Variants in RELN observed in about 807,000 individuals in gnomAD.
RELN encodes the protein reelin.
A neutral mutation model predicts 427.6 loss-of-function variants in RELN; 108 were observed. That is an observed-to-expected ratio of 0.25 (90% CI 0.22 to 0.30). RELN has a LOEUF of 0.30. Among genes scored for constraint, RELN ranks in the 10% least tolerant of loss-of-function variants. The pLI is 1.00. For synonymous variants in RELN, 1,524 were observed against 1,513.4 expected, an observed-to-expected ratio of 1.01 and a Z score of -0.16; for missense variants, 3,715 against 4,302.8, an observed-to-expected ratio of 0.86 and a Z score of 3.82.
At chr7:103,913,168 GA>G in intron 2 of RELN, among the ~76,000 whole-genome samples, 1 of 152,090 alleles carries the variant, frequency 6.6e-6, no homozygotes, top group Middle Eastern at 3.4e-3. Context: ...AATGTTAGTG[GA>G]ACTACATTTC....
chr7:103,759,181 A>G (rs1791234505), intron 4 of RELN, among the ~76,000 whole-genome samples: 1 of 152,140 alleles, frequency 6.6e-6, no homozygotes, highest in Non-Finnish European at 1.5e-5. Context: ...ACTAATCACC[A>G]TAAGCTAGCA....
chr7:103,766,835 G>A (rs1004879457), intron 4 of RELN, among the ~76,000 whole-genome samples: 3 of 152,210 alleles, frequency 2.0e-5, no homozygotes, highest in African/African-American at 7.2e-5. Context: ...AGCAGCCAAG[G>A]TTTTCTGCGC....
At chr7:103,599,132 C>G (rs1831606661) in intron 24 of RELN, among the ~76,000 whole-genome samples, 1 of 152,162 alleles carries the variant, frequency 6.6e-6, no homozygotes, top group Admixed American at 6.5e-5. Flanking sequence ...TGACTAATCA[C>G]CTTTTGCTTT....
intron 8 of RELN, among the ~76,000 whole-genome samples, chr7:103,702,036 A>G (rs1834103236): frequency 6.6e-6 from 1 of 152,234 alleles, no homozygotes; most frequent in Non-Finnish European, 1.5e-5. Context: ...CTAAAAAGCC[A>G]AACAGCAGTT....
intron 40 of RELN, among the ~76,000 whole-genome samples, chr7:103,552,579 T>C (rs1830437826): frequency 6.7e-6 from 1 of 149,926 alleles, no homozygotes; most frequent in Non-Finnish European, 1.5e-5. Context: ...CTCGGCTCAC[T>C]GCAACCTCCA....
chr7:103,621,668 T>C (rs1832221377), intron 20 of RELN, among the ~76,000 whole-genome samples: 1 of 152,152 alleles, frequency 6.6e-6, no homozygotes, highest in Non-Finnish European at 1.5e-5. Context: ...CTGACCCACA[T>C]GGCTCAACCA....
At chr7:103,834,582 G>A (rs1040990398) in intron 2 of RELN, among the ~76,000 whole-genome samples, 1 of 152,066 alleles carries the variant, frequency 6.6e-6, no homozygotes, top group Non-Finnish European at 1.5e-5. Flanking sequence ...ATATAAAATA[G>A]TAATAAATAA....
intron 57 of RELN, among the ~76,000 whole-genome samples, 195 bp downstream of exon 57, chr7:103,495,528 C>T (rs1235140884): frequency 2.0e-5 from 3 of 152,176 alleles, no homozygotes; most frequent in African/African-American, 7.2e-5. Context: ...CCAACATTTT[C>T]AGGGATTTTA....
Position 103,472,611 on chromosome 7 carries a change from A to G in RELN, c.*201T>C. On this transcript the variant is annotated 3_prime_UTR_variant, in exon 65 of 65. Transcript: ENST00000428762. ...CTTTCACGGACACATCAACATGAAG[A>G]CATTTACTTATGAGCAAATAAGTCA... is the stretch of plus-strand genomic sequence containing the variant. 4 of 572,290 alleles carry G rather than the reference A, an allele frequency of 7.0e-6. No individual in the cohort carries two copies. Among genetic ancestry groups the G allele is most frequent in the Non-Finnish European group, 3.1e-6 (1 of 317,724 alleles). The allele number at this position is 572,290 out of a possible 1,614,324, so 35.5% of individuals were successfully genotyped here.
At position 103,878,847 on chromosome 7, in the gene RELN, C is replaced by G. The variant is rs111510720; in HGVS notation, c.337+38228G>C. Among the ~76,000 whole-genome samples the G allele has an allele frequency of 3.8e-3, 580 of 152,228 alleles. 3 individuals are homozygous for G. The highest frequency in any genetic ancestry group is 0.013 in the African/African-American group (553 of 41,532). On this transcript the variant is annotated intron_variant, in intron 2 of 64. Transcript: ENST00000428762. Reference sequence around the variant, plus strand: ...TATGCTTCTGACTGCAGACCTAACCCAGATTGATTTTCCATTAGTTACCCA... The same window carrying G: ...TATGCTTCTGACTGCAGACCTAACCGAGATTGATTTTCCATTAGTTACCCA...
chr7:103,567,593 G>A lies in RELN; in HGVS notation c.4589-834C>T, dbSNP rs116523185. ...CAGTGCCTGTATTAAGAATAAGACT[G>A]TGCCAGCCTTTATACCCGCTTCTTT... On this transcript the variant is annotated intron_variant, in intron 31 of 64. Coordinates refer to ENST00000428762, the MANE Select transcript of RELN (RefSeq NM_005045.4). 4.0e-3 allele frequency among the ~76,000 whole-genome samples: 609 copies of A among 152,162 alleles called. 4 individuals are homozygous for A. Among genetic ancestry groups the A allele is most frequent in the African/African-American group, 0.014 (587 of 41,510 alleles).
chr7:103,836,660 T>C (rs1268222466), intron 2 of RELN, among the ~76,000 whole-genome samples: 2 of 152,228 alleles, frequency 1.3e-5, no homozygotes, highest in East Asian at 3.9e-4. Flanking sequence ...CTACCTAAAA[T>C]GCTCTCTCTC....
intron 45 of RELN, among the ~76,000 whole-genome samples, chr7:103,538,218 T>G (rs963327781): frequency 6.6e-6 from 1 of 152,214 alleles, no homozygotes; most frequent in East Asian, 1.9e-4. Flanking sequence ...GTGAATTCTG[T>G]AGGACCTTGA....
At chr7:103,869,611 T>C (rs1295407471) in intron 2 of RELN, among the ~76,000 whole-genome samples, 1 of 152,120 alleles carries the variant, frequency 6.6e-6, no homozygotes, top group Admixed American at 6.6e-5. Flanking sequence ...CCATTGTTTC[T>C]GATACGAAAT....
At chr7:103,624,832 A>G (rs975471008) in intron 20 of RELN, among the ~76,000 whole-genome samples, 9 of 152,170 alleles carry the variant, frequency 5.9e-5, no homozygotes, top group African/African-American at 2.2e-4. Flanking sequence ...AAAATGACCA[A>G]CGGATGACTA....
chr7:103,769,119 T>C (rs2116168195), intron 4 of RELN, among the ~76,000 whole-genome samples: 1 of 152,328 alleles, frequency 6.6e-6, no homozygotes, highest in African/African-American at 2.4e-5. Context: ...TATGATGTAC[T>C]GAACCTGTGC....
chr7:103,734,925 G>C (rs1790452845), intron 6 of RELN, among the ~76,000 whole-genome samples: 1 of 152,082 alleles, frequency 6.6e-6, no homozygotes, highest in Non-Finnish European at 1.5e-5. Flanking sequence ...AAAAAGTAGA[G>C]CGATGAGTGG....
chr7:103,804,081 T>A (rs900407270), intron 3 of RELN, among the ~76,000 whole-genome samples: 2 of 152,086 alleles, frequency 1.3e-5, no homozygotes, highest in Non-Finnish European at 1.5e-5. Context: ...CTTTATCACA[T>A]CTAGGCATTT....
chr7:103,773,204 T>C, intron 4 of RELN, among the ~76,000 whole-genome samples: 1 of 130,656 alleles, frequency 7.7e-6, no homozygotes, highest in Admixed American at 7.7e-5. Context: ...TCTTTCTCTC[T>C]CTCTCTCTCT....
Sources: allele counts gnomAD v4.1 joint callset (sites outside exome capture counted in the v4.1 genomes callset), GRCh38; gene constraint gnomAD v4.1.1; transcripts MANE v1.5; gene names NCBI Gene and HGNC (gene_info 2026-07-23, HGNC 2026-07-21).